PTPN13: variants seen among roughly 807,000 people sequenced by gnomAD.
PTPN13 encodes protein tyrosine phosphatase non-receptor type 13, also known as tyrosine-protein phosphatase non-receptor type 13.
Under a neutral mutation model 284.0 loss-of-function variants are expected in PTPN13, and 191 were observed. That is an observed-to-expected ratio of 0.67 (90% CI 0.60 to 0.76). The LOEUF (loss-of-function observed/expected upper bound fraction) is 0.76. PTPN13 is among the 30% of genes least tolerant of loss of function. The pLI, the probability that PTPN13 is intolerant of heterozygous loss-of-function variation, is 0.00. For synonymous variants in PTPN13, 986 were observed against 1,022.3 expected (o/e 0.96, Z 0.68); for missense variants, 2,797 against 2,939.9 (o/e 0.95, Z 1.12).
intron 38 of PTPN13, 128 bp downstream of exon 38, chr4:86,784,686 C>A: frequency 4.8e-6 from 3 of 624,452 alleles, no homozygotes; most frequent in South Asian, 2.1e-5. Flanking sequence ...GATTATTGGT[C>A]AAATAAACAA....
chr4:86,631,141 C>T (rs946935914), intron 1 of PTPN13, among the ~76,000 whole-genome samples: 24 of 151,972 alleles, frequency 1.6e-4, no homozygotes, highest in Non-Finnish European at 3.2e-4. Flanking sequence ...AATGTGATAA[C>T]GTCTGTTATA....
chr4:86,730,747 C>T (rs1734843813), intron 10 of PTPN13, among the ~76,000 whole-genome samples: 1 of 131,320 alleles, frequency 7.6e-6, no homozygotes, highest in Non-Finnish European at 1.8e-5. Context: ...ATCCCTCTAT[C>T]CCTTGGGCTT....
chr4:86,805,471 C>A, intron 44 of PTPN13, 102 bp downstream of exon 44: 1 of 521,226 alleles, frequency 1.9e-6, no homozygotes, highest in Non-Finnish European at 3.4e-6. Flanking sequence ...TAACCGTGTG[C>A]ATGTGCATAC....
At chr4:86,813,898 G>A (rs1027276821) in intron 47 of PTPN13, among the ~76,000 whole-genome samples, 1 of 151,688 alleles carries the variant, frequency 6.6e-6, no homozygotes, top group African/African-American at 2.4e-5. Flanking sequence ...TAGCACTCTA[G>A]GATAGTTCCA....
intron 3 of PTPN13, among the ~76,000 whole-genome samples, chr4:86,681,943 A>T (rs919505414): frequency 3.0e-4 from 45 of 152,170 alleles, no homozygotes; most frequent in African/African-American, 9.9e-4. Context: ...AAGAAAAAAA[A>T]AGGAAAGAAA....
At chr4:86,796,785 A>AT (rs1181566236) in intron 40 of PTPN13, 89 bp from the exon 41 acceptor site, 2 of 800,778 alleles carry the variant, frequency 2.5e-6, no homozygotes, top group African/African-American at 3.5e-5. Context: ...AATAACAGTA[A>AT]ATATAGGAAA....
intron 1 of PTPN13, among the ~76,000 whole-genome samples, chr4:86,625,875 A>T (rs4604024): frequency 0.046 from 7,053 of 152,200 alleles, 219 homozygotes; most frequent in African/African-American, 0.06. Flanking sequence ...TTTTTACTTG[A>T]TCTTTTGTGT....
rs1474490597 is a variant in PTPN13 at position 86,728,664 on chromosome 4, T to A, written c.1609-3736T>A. On this transcript the variant is annotated intron_variant, in intron 10 of 47. Coordinates refer to ENST00000411767, the MANE Select transcript of PTPN13 (RefSeq NM_080683.3). Reference sequence around the variant, plus strand: ...CTGCCTTTTTTTTTTTTTTTTTTTTTTTTTTTTTTTTTTGCTTTCCATTTG... The same window carrying A: ...CTGCCTTTTTTTTTTTTTTTTTTTTATTTTTTTTTTTTTGCTTTCCATTTG... Among the ~76,000 whole-genome samples the A allele has an allele frequency of 7.9e-4, 89 of 112,392 alleles. 6 individuals carry two copies. Among genetic ancestry groups the A allele is most frequent in the African/African-American group, 2.8e-3 (88 of 31,048 alleles). 73.7% of individuals were successfully genotyped at this position (112,392 alleles called of 152,430 possible).
At chr4:86,619,809 A>G (rs1252638977) in intron 1 of PTPN13, among the ~76,000 whole-genome samples, 1 of 150,518 alleles carries the variant, frequency 6.6e-6, no homozygotes, top group Non-Finnish European at 1.5e-5. Context: ...GAGGTCATGG[A>G]GAGAGTCCCA....
chr4:86,653,516 G>A (rs1413083782), intron 2 of PTPN13, among the ~76,000 whole-genome samples: 3 of 134,586 alleles, frequency 2.2e-5, no homozygotes, highest in Non-Finnish European at 4.9e-5. Context: ...TTTTGATTTT[G>A]TGTTTATTGT....
At chr4:86,724,128 A>C (rs924698517) in intron 10 of PTPN13, among the ~76,000 whole-genome samples, 1 of 152,206 alleles carries the variant, frequency 6.6e-6, no homozygotes, top group South Asian at 2.1e-4. Flanking sequence ...CTAATTTTTA[A>C]AATGTGGAAT....
intron 23 of PTPN13, among the ~76,000 whole-genome samples, chr4:86,761,094 C>T (rs1024214095): frequency 1.4e-5 from 2 of 143,592 alleles, no homozygotes; most frequent in Non-Finnish European, 3.0e-5. Flanking sequence ...ATACATGTAG[C>T]CTTCTGTGTA....
At chr4:86,663,732 T>G (rs1726770100) in intron 2 of PTPN13, among the ~76,000 whole-genome samples, 1 of 152,214 alleles carries the variant, frequency 6.6e-6, no homozygotes, top group Non-Finnish European at 1.5e-5. Flanking sequence ...TATTTAGGTC[T>G]CATTTGTAGT....
chr4:86,786,024 T>A, intron 40 of PTPN13, 88 bp downstream of exon 40: 1 of 662,778 alleles, frequency 1.5e-6, no homozygotes. Context: ...AGAGATTCTT[T>A]CCTGTTTTAC....
At chr4:86,595,076 A>T (rs1763498269) in intron 1 of PTPN13, among the ~76,000 whole-genome samples, 1 of 151,978 alleles carries the variant, frequency 6.6e-6, no homozygotes, top group African/African-American at 2.4e-5. Flanking sequence ...CGGGAATGAA[A>T]CCCACAGGGG....
chr4:86,701,317 T>C lies in PTPN13; in HGVS notation c.711T>C (p.Leu237=). 6.2e-7 allele frequency: 1 copy of C among 1,612,660 alleles called. No individual in the cohort carries two copies. The highest frequency in any genetic ancestry group is 8.5e-7 in the Non-Finnish European group (1 of 1,179,040). The change falls in exon 7 of 48, where the codon CTT becomes CTC. Residue 237 remains leucine (L), a synonymous_variant. Coordinates refer to ENST00000411767, the MANE Select transcript of PTPN13 (RefSeq NM_080683.3). ...ATCAGACCTTTCTTAACAAAGGGCT[T>C]AGTAAATCTATGGGATTTCTGTCCA... ...LSHQTFLNKG[L]SKSMGFLSIK...
intron 27 of PTPN13, chr4:86,766,727 G>A (rs939149444): frequency 1.0e-5 from 4 of 398,804 alleles, no homozygotes; most frequent in Non-Finnish European, 1.8e-5. Flanking sequence ...GACTTTCTAT[G>A]TCACATTTAA....
At chr4:86,766,389 C>A in intron 26 of PTPN13, 43 bp from the exon 27 acceptor site, 1 of 1,438,218 alleles carries the variant, frequency 7.0e-7, no homozygotes, top group East Asian at 2.4e-5. Context: ...TTTAAAAGAA[C>A]ATGTAGGATT....
At chr4:86,705,997 C>T (rs1731727615) in intron 7 of PTPN13, among the ~76,000 whole-genome samples, 1 of 152,124 alleles carries the variant, frequency 6.6e-6, no homozygotes, top group Non-Finnish European at 1.5e-5. Context: ...TTAACCCAGG[C>T]CCCATTCTCT....
Sources: gnomAD v4.1 joint callset for allele counts (sites outside exome capture counted in the v4.1 genomes callset) on GRCh38, gnomAD v4.1.1 for gene constraint, MANE v1.5 for transcripts, NCBI Gene and HGNC (gene_info 2026-07-23, HGNC 2026-07-21) for gene names.